TMEM98: variants seen among roughly 807,000 people sequenced by gnomAD.
TMEM98 encodes transmembrane protein 98.
In TMEM98, 18 loss-of-function variants were observed where a neutral mutation model predicts 25.0. That is an observed-to-expected ratio of 0.72 (90% CI 0.50 to 1.07). The LOEUF (loss-of-function observed/expected upper bound fraction) is 1.07. Among genes scored for constraint, TMEM98 ranks in the 50% least tolerant of loss-of-function variants. TMEM98 has a pLI of 0.00. For missense variants in TMEM98, 241 were observed against 289.0 expected (o/e 0.83, Z 1.20); for synonymous variants, 103 against 112.4 (o/e 0.92, Z 0.53).
intron 5 of TMEM98, 146 bp downstream of exon 5, chr17:32,934,470 A>AC (rs1460631802): frequency 7.4e-6 from 6 of 816,248 alleles, no homozygotes; most frequent in Admixed American, 2.5e-5. Context: ...TTTGTGGTTT[A>AC]CTTCCCCCCC....
At position 32,941,221 on chromosome 17, in the gene TMEM98, A is replaced by G. The variant is rs536991592; in HGVS notation, c.*228A>G. On this transcript the variant is annotated 3_prime_UTR_variant, in exon 8 of 8. Transcript: ENST00000579849. ...ACTACAGTTAGGGGAGATGCCATTC[A>G]CTCTCTGCAAGAGGAGTATTGAAAA... 1 of 436,592 alleles carries G rather than the reference A, an allele frequency of 2.3e-6. No individual in the cohort carries two copies. Among genetic ancestry groups the G allele is most frequent in the East Asian group, 3.8e-5 (1 of 26,098 alleles). 27.0% of individuals were successfully genotyped at this position (436,592 alleles called of 1,614,324 possible).
chr17:32,933,364 G>A, intron 4 of TMEM98, 59 bp downstream of exon 4: 1 of 1,607,410 alleles, frequency 6.2e-7, no homozygotes, highest in Non-Finnish European at 8.5e-7. Flanking sequence ...CTTTGCTGGT[G>A]TCCTTTGCCA....
chr17:32,934,771 T>C (rs1260657490), intron 5 of TMEM98, among the ~76,000 whole-genome samples: 2 of 152,242 alleles, frequency 1.3e-5, no homozygotes, highest in Non-Finnish European at 2.9e-5. Context: ...CTAGCCTTCT[T>C]TGGCTGTGAC....
rs554824124 is a variant in TMEM98, at chr17:32,937,973, C to T, written c.414-1504C>T. Among the ~76,000 whole-genome samples, 102 of 152,292 alleles carry T rather than the reference C, an allele frequency of 6.7e-4. 1 individual carries two copies. The highest frequency in any genetic ancestry group is 2.2e-3 in the African/African-American group (92 of 41,564). The stretch of plus-strand genomic sequence containing the variant: ...TGCTTTTTGTGCCTTCTAAGAGCCA[C>T]TTAGAGGCCAGGCAGATTCCTGTGA... On this transcript the variant is annotated intron_variant, in intron 6 of 7. Transcript: ENST00000579849.
intron 1 of TMEM98, among the ~76,000 whole-genome samples, chr17:32,929,019 A>T (rs2091450198): frequency 6.6e-6 from 1 of 151,732 alleles, no homozygotes; most frequent in South Asian, 2.1e-4. Context: ...CACTCAGCTC[A>T]CACACACAAG....
At chr17:32,932,450 A>G (rs888284971) in intron 3 of TMEM98, among the ~76,000 whole-genome samples, 2 of 152,188 alleles carry the variant, frequency 1.3e-5, no homozygotes, top group East Asian at 3.8e-4. Context: ...ATATTTTGTA[A>G]GCAAGATTCT....
intron 5 of TMEM98, 69 bp from the exon 6 acceptor site, chr17:32,936,263 C>G: frequency 2.3e-6 from 3 of 1,282,158 alleles, no homozygotes. Context: ...GCTGATTTGT[C>G]TCGTGGGGGT....
In TMEM98 at chr17:32,933,194, G is replaced by A. The variant is rs747484908; in HGVS notation, c.152G>A (p.Gly51Asp). The change falls in exon 4 of 8, where the codon GGT becomes GAT. Residue 51 changes from glycine (G) to aspartate (D), a missense_variant. Gly to Asp is a moderately conservative substitution (Grantham distance 94, BLOSUM62 -1). Transcript: ENST00000579849. The stretch of plus-strand genomic sequence containing the variant: ...TCCAGGCCCATTGTGGACCTCATTG[G>A]TGCCATGGAGACCCAGTCTGAGCCC... ...YDSKPIVDLI[G>D]AMETQSEPSE... 7 of 1,614,144 alleles carry A rather than the reference G, an allele frequency of 4.3e-6. No homozygotes were observed. Among genetic ancestry groups the A allele is most frequent in the South Asian group, 1.1e-5 (1 of 91,076 alleles).
chr17:32,936,593 C>T, intron 6 of TMEM98, 146 bp downstream of exon 6: 1 of 694,564 alleles, frequency 1.4e-6, no homozygotes, highest in Non-Finnish European at 2.4e-6. Context: ...ACAGAGTGAC[C>T]AGGAGGGTTT....
intron 6 of TMEM98, among the ~76,000 whole-genome samples, chr17:32,936,680 G>C (rs2091498370): frequency 6.6e-6 from 1 of 152,164 alleles, no homozygotes; most frequent in Admixed American, 6.5e-5. Context: ...AGGGCTTTGG[G>C]GAAGCGCCAG....
intron 4 of TMEM98, 78 bp from the exon 5 acceptor site, chr17:32,934,213 G>C (rs1456395159): frequency 5.1e-6 from 8 of 1,560,488 alleles, no homozygotes; most frequent in Non-Finnish European, 7.1e-6. Context: ...GTCAGGGCAA[G>C]TTGAGAAGCA....
chr17:32,938,966 A>G (rs982231353), intron 6 of TMEM98, among the ~76,000 whole-genome samples: 18 of 152,232 alleles, frequency 1.2e-4, no homozygotes, highest in African/African-American at 4.3e-4. Flanking sequence ...CTGAAACAAA[A>G]CTAGAAAACA....
In TMEM98 at chr17:32,942,097, G is replaced by A. The variant is rs930641931; in HGVS notation, c.*1104G>A. The A allele has an allele frequency of 6.6e-6, 1 of 152,322 alleles. No individual in the cohort carries two copies. Among genetic ancestry groups the A allele is most frequent in the East Asian group, 1.9e-4 (1 of 5,190 alleles). 9.4% of individuals were successfully genotyped at this position (152,322 alleles called of 1,614,324 possible). On this transcript the variant is annotated 3_prime_UTR_variant, in exon 8 of 8. Transcript: ENST00000579849. ...AAGACCTCTTGGAGTTCAGGCAGAA[G>A]TGAAGATAGCACTATGAAGTAGTTT... is the stretch of plus-strand genomic sequence containing the variant.
rs977925289 is a variant in TMEM98 at position 32,943,067 on chromosome 17, A to G, written c.*2074A>G. On this transcript the variant is annotated 3_prime_UTR_variant, in exon 8 of 8. Transcript: ENST00000579849. ...CCCAGCACCCCTGAAGCAATGCCCA[A>G]TGTCGATTACCTTCTCTGAGTCCTG... The G allele has an allele frequency of 1.2e-4, 18 of 152,222 alleles. No individual in the cohort carries two copies. Among genetic ancestry groups the G allele is most frequent in the Non-Finnish European group, 5.9e-5 (4 of 68,102 alleles). The allele number at this position is 152,222 out of a possible 1,614,324, so 9.4% of individuals were successfully genotyped here. A position where few individuals can be genotyped will look rare whatever the true frequency, so the allele number is the denominator to read the frequency against.
chr17:32,931,809 G>GT (rs1222572528), intron 3 of TMEM98, 150 bp downstream of exon 3: 2 of 1,057,066 alleles, frequency 1.9e-6, no homozygotes, highest in African/African-American at 1.6e-5. Context: ...AGACCTCAGA[G>GT]TTTAAGAATG....
intron 4 of TMEM98, 31 bp downstream of exon 4, chr17:32,933,336 C>T (rs775359157): frequency 1.7e-5 from 28 of 1,613,216 alleles, no homozygotes; most frequent in Non-Finnish European, 2.4e-5. Context: ...TGCTTCCGGG[C>T]TTCTGGCAAA....
chr17:32,929,774 A>G (rs1273537499), intron 1 of TMEM98, among the ~76,000 whole-genome samples: 2 of 152,160 alleles, frequency 1.3e-5, no homozygotes, highest in Non-Finnish European at 2.9e-5. Context: ...CTACCTGGCA[A>G]ACTCCTGCTC....
At chr17:32,934,765 CCTT>C (rs757474696) in intron 5 of TMEM98, among the ~76,000 whole-genome samples, 1 of 152,220 alleles carries the variant, frequency 6.6e-6, no homozygotes, top group African/African-American at 2.4e-5. Context: ...TCATCACTAG[CCTT>C]CTTTGGCTGT....
Position 32,943,071 on chromosome 17 carries a change from C to T in TMEM98, c.*2078C>T, listed in dbSNP as rs1246374281. 6.6e-6 allele frequency: 1 copy of T among 152,224 alleles called. No individual in the cohort carries two copies. The highest frequency in any genetic ancestry group is 2.4e-5 in the African/African-American group (1 of 41,420). 9.4% of individuals were successfully genotyped at this position (152,224 alleles called of 1,614,324 possible). ...GCACCCCTGAAGCAATGCCCAATGT[C>T]GATTACCTTCTCTGAGTCCTGGCAA... On this transcript the variant is annotated 3_prime_UTR_variant, in exon 8 of 8. Coordinates refer to ENST00000579849, the MANE Select transcript of TMEM98 (RefSeq NM_015544.3).
Sources: gnomAD v4.1 joint callset for allele counts (sites outside exome capture counted in the v4.1 genomes callset) on GRCh38, gnomAD v4.1.1 for gene constraint, MANE v1.5 for transcripts, NCBI Gene and HGNC (gene_info 2026-07-23, HGNC 2026-07-21) for gene names.